The following HELZ variants were observed in gnomAD, a reference collection of about 807,000 sequenced individuals.
The protein encoded by HELZ is ATP-dependent RNA helicase with zinc finger domain.
In HELZ, 23 loss-of-function variants were observed where a neutral mutation model predicts 218.2. The ratio of observed to expected loss-of-function variants is 0.11; its 90% CI spans 0.08 to 0.15. HELZ has a LOEUF of 0.15. HELZ is among the 10% of genes least tolerant of loss of function. HELZ has a pLI of 1.00. For synonymous variants in HELZ, 814 were observed against 829.4 expected (o/e 0.98, Z 0.32); for missense variants, 1,813 against 2,353.7 (o/e 0.77, Z 4.75).
At chr17:67,244,970 C>A in intron 1 of HELZ, 178 bp downstream of exon 1, 1 of 985,940 alleles carries the variant, frequency 1.0e-6, no homozygotes, top group Non-Finnish European at 1.2e-6. Flanking sequence ...GTCCGGGCCT[C>A]GCCTCGAAGA....
intron 12 of HELZ, among the ~76,000 whole-genome samples, chr17:67,180,641 G>A (rs2039580377): frequency 1.3e-5 from 2 of 152,100 alleles, no homozygotes; most frequent in South Asian, 4.1e-4. Flanking sequence ...AGTTTGGGAG[G>A]CTGAGGCAGG....
At chr17:67,081,638 A>G (rs1275593585) in intron 32 of HELZ, among the ~76,000 whole-genome samples, 1 of 143,076 alleles carries the variant, frequency 7.0e-6, no homozygotes, top group African/African-American at 2.4e-5. Flanking sequence ...ACTGAGCTCT[A>G]TGAGTATGGC....
intron 1 of HELZ, chr17:67,244,616 G>T: frequency 8.4e-6 from 8 of 951,256 alleles, no homozygotes; most frequent in Non-Finnish European, 1.0e-5. Flanking sequence ...ATCTCGGGCC[G>T]AGAGCCCTCC....
At chr17:67,137,645 T>A (rs1459927512) in intron 22 of HELZ, among the ~76,000 whole-genome samples, 1 of 152,228 alleles carries the variant, frequency 6.6e-6, no homozygotes, top group Non-Finnish European at 1.5e-5. Flanking sequence ...CAGAATGTGT[T>A]ATATACTATT....
At chr17:67,244,019 A>G (rs2041396329) in intron 1 of HELZ, 180 bp from the exon 2 acceptor site, 1 of 981,156 alleles carries the variant, frequency 1.0e-6, no homozygotes, top group Non-Finnish European at 1.2e-6. Context: ...ATTTCCTTTC[A>G]GTAAGGTAAA....
In HELZ at chr17:67,080,559, C is replaced by T. The variant is rs187395039; in HGVS notation, c.5495-1973G>A. ...ATTTGCCCATTTACCCATCCAAAACCTTAAACTGCCTTCTCAATCCAATAA... is the reference window on the plus strand; with the variant it reads ...ATTTGCCCATTTACCCATCCAAAACTTTAAACTGCCTTCTCAATCCAATAA... On this transcript the variant is annotated intron_variant, in intron 32 of 32. Coordinates refer to ENST00000358691, the MANE Select transcript of HELZ (RefSeq NM_014877.4). Among the ~76,000 whole-genome samples, 263 of 152,302 alleles carry T rather than the reference C, an allele frequency of 1.7e-3. 1 individual carries two copies. Among genetic ancestry groups the T allele is most frequent in the Non-Finnish European group, 2.2e-3 (153 of 68,020 alleles).
rs1476289076 is a variant in HELZ at position 67,146,271 on chromosome 17, C to T, written c.2622-381G>A. 3.3e-5 allele frequency among the ~76,000 whole-genome samples: 5 copies of T among 152,144 alleles called. No individual in the cohort carries two copies. The East Asian group carries it at 9.6e-4, about 29-fold the overall frequency. ...ATGATTTAGTCAACAATAGACAGTA[C>T]ATATGATGATGGTCCCATAAGATCA... is the stretch of plus-strand genomic sequence containing the variant. On this transcript the variant is annotated intron_variant, in intron 20 of 32. Transcript: ENST00000358691.
chr17:67,098,525 A>C (rs2036820385), intron 31 of HELZ, among the ~76,000 whole-genome samples: 1 of 151,876 alleles, frequency 6.6e-6, no homozygotes, highest in Admixed American at 6.6e-5. Flanking sequence ...ACCTCAGGTC[A>C]GGAGTTTGAG....
intron 31 of HELZ, among the ~76,000 whole-genome samples, chr17:67,095,276 T>C (rs2036708540): frequency 6.6e-6 from 1 of 152,176 alleles, no homozygotes; most frequent in Non-Finnish European, 1.5e-5. Context: ...TTCACGCCTG[T>C]AATCCCAAAA....
intron 5 of HELZ, among the ~76,000 whole-genome samples, chr17:67,209,120 TAAAAA>T (rs200024507): frequency 7.3e-6 from 1 of 137,748 alleles, no homozygotes. Flanking sequence ...CCTGGGGAAT[TAAAAA>T]AAAAAAAAAA....
At chr17:67,145,945 C>A in intron 20 of HELZ, 55 bp from the exon 21 acceptor site, 4 of 1,497,620 alleles carry the variant, frequency 2.7e-6, no homozygotes, top group East Asian at 2.5e-5. Context: ...AAATTAATTT[C>A]ACCCATAAGA....
intron 32 of HELZ, among the ~76,000 whole-genome samples, chr17:67,083,661 C>T (rs1188030282): frequency 1.3e-5 from 2 of 152,130 alleles, no homozygotes; most frequent in Non-Finnish European, 2.9e-5. Flanking sequence ...ACAAAAAACA[C>T]ATCTCTAATC....
At chr17:67,145,946 ACCC>A in intron 20 of HELZ, 56 bp from the exon 21 acceptor site, 2 of 1,486,818 alleles carry the variant, frequency 1.3e-6, no homozygotes, top group Admixed American at 4.5e-5. Context: ...AATTAATTTC[ACCC>A]ATAAGAAAAA....
rs1196319399 is a variant in HELZ at position 67,214,817 on chromosome 17, C to T, written c.247+1082G>A. Among the ~76,000 whole-genome samples the T allele has an allele frequency of 6.6e-5, 10 of 152,206 alleles. No individual in the cohort carries two copies. The East Asian group carries it at 1.9e-3, about 29-fold the overall frequency. On this transcript the variant is annotated intron_variant, in intron 5 of 32. Transcript: ENST00000358691. ...AAAGAAAAGGATTCCTATCAGTACTCGAAGAGCAAGAATCTTATTAATCTC... is the reference window on the plus strand; with the variant it reads ...AAAGAAAAGGATTCCTATCAGTACTTGAAGAGCAAGAATCTTATTAATCTC...
At chr17:67,124,321 T>C (rs143693649) in intron 24 of HELZ, among the ~76,000 whole-genome samples, 1,670 of 152,328 alleles carry the variant, frequency 0.011, 19 homozygotes, top group South Asian at 0.019. Context: ...GATTTAAATT[T>C]TATTCCTTTG....
chr17:67,171,924 C>A (rs1046669265), intron 13 of HELZ, among the ~76,000 whole-genome samples: 1 of 151,950 alleles, frequency 6.6e-6, no homozygotes, highest in Non-Finnish European at 1.5e-5. Flanking sequence ...CTCCACCTCC[C>A]GGGTTCAAGC....
chr17:67,124,637 T>C (rs1204819748), intron 24 of HELZ, among the ~76,000 whole-genome samples: 1 of 152,172 alleles, frequency 6.6e-6, no homozygotes. Flanking sequence ...GTACATACGT[T>C]AACCCAGTAA....
intron 6 of HELZ, 26 bp downstream of exon 6, chr17:67,203,293 T>C (rs1270839258): frequency 6.2e-7 from 1 of 1,607,640 alleles, no homozygotes; most frequent in Admixed American, 1.7e-5. Flanking sequence ...TTTTCAGGCA[T>C]ACAAAATTAG....
chr17:67,169,712 A>C (rs925948565), intron 13 of HELZ, among the ~76,000 whole-genome samples: 1 of 152,196 alleles, frequency 6.6e-6, no homozygotes, highest in African/African-American at 2.4e-5. Flanking sequence ...TAAAAGTTTT[A>C]ACTCTTTCCA....
Sources: allele counts gnomAD v4.1 joint callset (sites outside exome capture counted in the v4.1 genomes callset), GRCh38; gene constraint gnomAD v4.1.1; transcripts MANE v1.5; gene names NCBI Gene and HGNC (gene_info 2026-07-23, HGNC 2026-07-21).